Variants in RAPGEF5 observed in about 807,000 individuals in gnomAD.
RAPGEF5 encodes Rap guanine nucleotide exchange factor 5.
A neutral mutation model predicts 125.2 loss-of-function variants in RAPGEF5; 65 were observed. That is an observed-to-expected ratio of 0.52 (90% CI 0.43 to 0.64). RAPGEF5 has a LOEUF of 0.64. RAPGEF5 is among the 30% of genes least tolerant of loss of function. RAPGEF5 has a pLI of 0.00. For synonymous variants in RAPGEF5, 391 were observed against 385.9 expected (o/e 1.01, Z -0.16); for missense variants, 958 against 1,048.1 (o/e 0.91, Z 1.19).
chr7:22,354,099 CA>C (rs1429893929), intron 1 of RAPGEF5, among the ~76,000 whole-genome samples: 1 of 151,850 alleles, frequency 6.6e-6, no homozygotes, highest in Non-Finnish European at 1.5e-5. Context: ...ACAACAACAA[CA>C]AAAAAAGCCT....
chr7:22,205,262 C>T (rs768094701), intron 9 of RAPGEF5, among the ~76,000 whole-genome samples: 9 of 152,124 alleles, frequency 5.9e-5, no homozygotes, highest in Admixed American at 6.5e-5. Context: ...AAGTGACTAC[C>T]GGTGATGAAC....
chr7:22,192,302 A>G (rs929104443), intron 11 of RAPGEF5: 2 of 152,406 alleles, frequency 1.3e-5, no homozygotes, highest in African/African-American at 4.8e-5. Flanking sequence ...ACTGTAGGAT[A>G]CATGATTAGG....
At chr7:22,142,716 C>T (rs1158965320) in intron 20 of RAPGEF5, among the ~76,000 whole-genome samples, 1 of 152,204 alleles carries the variant, frequency 6.6e-6, no homozygotes, top group Admixed American at 6.5e-5. Flanking sequence ...CATTCCAGTT[C>T]AGCAAACACT....
At chr7:22,232,908 T>C (rs755447797) in intron 7 of RAPGEF5, among the ~76,000 whole-genome samples, 4 of 152,206 alleles carry the variant, frequency 2.6e-5, no homozygotes, top group Non-Finnish European at 5.9e-5. Flanking sequence ...ACGCTTTGGA[T>C]AACTAGGATA....
intron 7 of RAPGEF5, among the ~76,000 whole-genome samples, chr7:22,254,731 G>A (rs1469745380): frequency 2.0e-5 from 3 of 152,074 alleles, no homozygotes; most frequent in Admixed American, 6.6e-5. Flanking sequence ...GAGAGGAAGG[G>A]GGAGATGGGA....
rs368772649 is a variant in RAPGEF5, at chr7:22,119,947, GAGT to G, written c.*2456_*2458del. 1 of 152,182 alleles carries G rather than the reference GAGT, an allele frequency of 6.6e-6. No homozygotes were observed. Among genetic ancestry groups the G allele is most frequent in the African/African-American group, 2.4e-5 (1 of 41,436 alleles). 9.4% of individuals were successfully genotyped at this position (152,182 alleles called of 1,614,324 possible). ...GATTCCTTAGAAAGAGCTTTCTGTT[GAGT>G]AATATCTGGTTCTCACAATTCGGGC... is the stretch of plus-strand genomic sequence containing the variant. On this transcript the variant is annotated 3_prime_UTR_variant, in exon 26 of 26. Coordinates refer to ENST00000665637, the MANE Select transcript of RAPGEF5 (RefSeq NM_012294.5). This position sits in a 1 kb window ranked among gnomAD's most constrained non-coding sequence, Gnocchi z 4.1.
intron 5 of RAPGEF5, among the ~76,000 whole-genome samples, chr7:22,294,043 T>A (rs970017494): frequency 6.6e-6 from 1 of 152,196 alleles, no homozygotes; most frequent in Admixed American, 6.5e-5. Flanking sequence ...AGGAAACAGA[T>A]GCAGCAGAGG....
intron 9 of RAPGEF5, among the ~76,000 whole-genome samples, chr7:22,204,462 G>A (rs1785352596): frequency 2.0e-5 from 3 of 152,200 alleles, no homozygotes; most frequent in African/African-American, 7.2e-5. Flanking sequence ...GCTTGTGTGT[G>A]TGTGCACGCA....
intron 5 of RAPGEF5, among the ~76,000 whole-genome samples, chr7:22,303,971 CA>C (rs1470457024): frequency 2.6e-5 from 4 of 152,006 alleles, no homozygotes; most frequent in South Asian, 2.1e-4. Flanking sequence ...AGGGGTGGGC[CA>C]GGGGTGAAAA....
chr7:22,124,922 C>T (rs1181597516), intron 25 of RAPGEF5, among the ~76,000 whole-genome samples: 1 of 152,226 alleles, frequency 6.6e-6, no homozygotes, highest in Non-Finnish European at 1.5e-5. Context: ...TTTGCTAGGA[C>T]TGATGTCAGG....
chr7:22,291,457 A>G (rs1232100556), intron 5 of RAPGEF5, among the ~76,000 whole-genome samples: 1 of 152,190 alleles, frequency 6.6e-6, no homozygotes, highest in African/African-American at 2.4e-5. Context: ...CCTCTTTACA[A>G]TGCACCAATT....
chr7:22,350,031 G>C (rs949859559), intron 1 of RAPGEF5, among the ~76,000 whole-genome samples: 1 of 152,178 alleles, frequency 6.6e-6, no homozygotes, highest in Non-Finnish European at 1.5e-5. Context: ...AACAAATTAA[G>C]TCATTGATTT....
intron 7 of RAPGEF5, among the ~76,000 whole-genome samples, chr7:22,239,551 C>G (rs1786272264): frequency 6.6e-6 from 1 of 151,994 alleles, no homozygotes; most frequent in Admixed American, 6.5e-5. Flanking sequence ...TGGCCTCGCT[C>G]CACCCTCCCT....
chr7:22,335,622 G>C (rs546649876), intron 1 of RAPGEF5, among the ~76,000 whole-genome samples: 1 of 151,280 alleles, frequency 6.6e-6, no homozygotes, highest in East Asian at 1.9e-4. Flanking sequence ...CAACTCTAGG[G>C]TGGGGGGACA....
At position 22,325,492 on chromosome 7, in the gene RAPGEF5, T is replaced by C. The variant is rs913698859; in HGVS notation, c.232-7455A>G. 3.3e-5 allele frequency among the ~76,000 whole-genome samples: 5 copies of C among 152,144 alleles called. No individual in the cohort carries two copies. The South Asian group carries it at 6.2e-4, about 19-fold the overall frequency. The stretch of plus-strand genomic sequence containing the variant: ...CATCCCTGCCTTAAGTGGTCATGCA[T>C]AGAGAGTGCAGAGTGTGCATACAGA... On this transcript the variant is annotated intron_variant, in intron 1 of 25. Coordinates refer to ENST00000665637, the MANE Select transcript of RAPGEF5 (RefSeq NM_012294.5).
At chr7:22,292,098 A>AG (rs1339746709) in intron 5 of RAPGEF5, among the ~76,000 whole-genome samples, 1 of 152,004 alleles carries the variant, frequency 6.6e-6, no homozygotes, top group East Asian at 1.9e-4. Context: ...CAGGGGGCGG[A>AG]GGGGGGATTG....
In RAPGEF5 at chr7:22,162,482, C is replaced by T. The variant is rs982554635; in HGVS notation, c.1343G>A (p.Arg448His). 6 of 1,606,238 alleles carry T rather than the reference C, an allele frequency of 3.7e-6. No homozygotes were observed. The highest frequency in any genetic ancestry group is 2.7e-5 in the African/African-American group (2 of 74,700). The change falls in exon 13 of 26, where the codon CGT becomes CAT. Residue 448 changes from arginine (R) to histidine (H), a missense_variant. Coordinates refer to ENST00000665637, the MANE Select transcript of RAPGEF5 (RefSeq NM_012294.5). The part of the protein sequence containing the change: ...EENSDVPRRK[R>H]KVLHLVSQWI... The stretch of plus-strand genomic sequence containing the variant: ...CTGGGAAACAAGATGCAAGACTTTA[C>T]GTTTCCTACGCGGAACGTCTGAGTT...
chr7:22,270,207 A>G (rs1782385754), intron 6 of RAPGEF5, among the ~76,000 whole-genome samples: 1 of 152,196 alleles, frequency 6.6e-6, no homozygotes, highest in African/African-American at 2.4e-5. Flanking sequence ...CCTGCACTGA[A>G]TAAAAGCAAG....
intron 11 of RAPGEF5, among the ~76,000 whole-genome samples, chr7:22,167,452 G>A (rs1305715083): frequency 1.3e-5 from 2 of 152,086 alleles, no homozygotes; most frequent in African/African-American, 2.4e-5. Flanking sequence ...AGATGATATA[G>A]AAAACAAATG....
Sources: allele counts gnomAD v4.1 joint callset (sites outside exome capture counted in the v4.1 genomes callset), GRCh38; gene constraint gnomAD v4.1.1; non-coding constraint Gnocchi (gnomAD v3.1); transcripts MANE v1.5; gene names NCBI Gene and HGNC (gene_info 2026-07-23, HGNC 2026-07-21).